The following PRUNE2 variants were observed in gnomAD, a reference collection of about 807,000 sequenced individuals.
PRUNE2 encodes the protein protein prune homolog 2.
In PRUNE2, 164 loss-of-function variants were observed where a neutral mutation model predicts 252.0. The observed-to-expected ratio is 0.65, with a 90% CI of 0.57 to 0.74. PRUNE2 has a LOEUF of 0.74. PRUNE2 is among the 30% of genes least tolerant of loss of function. The pLI, the probability that PRUNE2 is intolerant of heterozygous loss-of-function variation, is 0.00. For synonymous variants in PRUNE2, 1,292 were observed against 1,350.2 expected (o/e 0.96, Z 0.94); for missense variants, 3,495 against 3,711.0 (o/e 0.94, Z 1.51).
intron 1 of PRUNE2, among the ~76,000 whole-genome samples, chr9:76,888,347 G>A (rs146298323): frequency 0.018 from 2,748 of 152,256 alleles, 73 homozygotes; most frequent in African/African-American, 0.061. Context: ...GGGAGGCCAA[G>A]GCAGGCAGAT....
chr9:76,676,768 T>C (rs2042659819), intron 9 of PRUNE2, among the ~76,000 whole-genome samples: 1 of 152,220 alleles, frequency 6.6e-6, no homozygotes, highest in Admixed American at 6.5e-5. Context: ...AGTAGCAATA[T>C]TACGATGTCA....
chr9:76,707,558 G>C lies in PRUNE2; in HGVS notation c.4716C>G (p.Asn1572Lys). Reference sequence around the variant, plus strand: ...GATTCTGTTCACTCCAGTTGCCTTGGTTTTCTTCTTGATACCCAGAACTGG... The same window carrying C: ...GATTCTGTTCACTCCAGTTGCCTTGCTTTTCTTCTTGATACCCAGAACTGG... Reference protein sequence around the residue: ...QQPSSGYQEENQGNWSEQNHQ... With the variant: ...QQPSSGYQEEKQGNWSEQNHQ... Residue 1572 changes from asparagine (N) to lysine (K), a missense_variant, in exon 8 of 19, where the codon AAC (asparagine) becomes AAG (lysine). Asn to Lys is a moderately conservative substitution (Grantham distance 94, BLOSUM62 0). Transcript: ENST00000376718. 1.7e-5 allele frequency: 27 copies of C among 1,613,908 alleles called. No homozygotes were observed. Among genetic ancestry groups the C allele is most frequent in the Non-Finnish European group, 2.2e-5 (26 of 1,179,888 alleles).
Position 76,906,052 on chromosome 9 carries a change from T to A in PRUNE2, c.-89A>T. On this transcript the variant is annotated 5_prime_UTR_variant, in exon 1 of 19. Coordinates refer to ENST00000376718, the MANE Select transcript of PRUNE2 (RefSeq NM_015225.3). ...GAAGACGAGCGGGGTCCCGGGAAAG[T>A]GGCCCGCCGGGGCGCAGCGACCGAC... 6.9e-7 allele frequency: 1 copy of A among 1,444,492 alleles called. No individual in the cohort carries two copies. Among genetic ancestry groups the A allele is most frequent in the Non-Finnish European group, 9.7e-7 (1 of 1,028,536 alleles). 89.5% of individuals were successfully genotyped at this position (1,444,492 alleles called of 1,614,324 possible).
chr9:76,793,203 C>T (rs35804397), intron 6 of PRUNE2, among the ~76,000 whole-genome samples: 6,020 of 152,120 alleles, frequency 0.04, 253 homozygotes, highest in East Asian at 0.2. Flanking sequence ...AAAGGGACAC[C>T]GTTTCAAACA....
Position 76,891,941 on chromosome 9 carries a change from T to C in PRUNE2, c.36+13987A>G, listed in dbSNP as rs116178430. Among the ~76,000 whole-genome samples the C allele has an allele frequency of 3.5e-3, 534 of 152,312 alleles. 2 individuals are homozygous for C. Among genetic ancestry groups the C allele is most frequent in the African/African-American group, 0.012 (483 of 41,574 alleles). On this transcript the variant is annotated intron_variant, in intron 1 of 18. Coordinates refer to ENST00000376718, the MANE Select transcript of PRUNE2 (RefSeq NM_015225.3). Reference sequence around the variant, plus strand: ...GAGATCAAGTAGGTGACAACAGTTATGAAGGGCAACACTGTGCTCCGAGTG... The same window carrying C: ...GAGATCAAGTAGGTGACAACAGTTACGAAGGGCAACACTGTGCTCCGAGTG...
At chr9:76,664,161 A>T (rs949828945) in intron 9 of PRUNE2, among the ~76,000 whole-genome samples, 3 of 152,188 alleles carry the variant, frequency 2.0e-5, no homozygotes, top group African/African-American at 7.2e-5. Flanking sequence ...ATGGTAGGTG[A>T]CTTCTAAGGC....
intron 6 of PRUNE2, among the ~76,000 whole-genome samples, chr9:76,761,941 A>G (rs969326455): frequency 5.3e-5 from 8 of 152,206 alleles, no homozygotes; most frequent in African/African-American, 1.9e-4. Context: ...CTGGAGCTAT[A>G]TCATATTATG....
chr9:76,826,499 C>T (rs2058353853), intron 5 of PRUNE2, 81 bp downstream of exon 5: 1 of 1,010,178 alleles, frequency 9.9e-7, no homozygotes, highest in African/African-American at 1.6e-5. Flanking sequence ...ACAAATATAC[C>T]TTCTCAGGTC....
intron 9 of PRUNE2, among the ~76,000 whole-genome samples, chr9:76,686,697 T>A (rs576904412): frequency 1.3e-5 from 2 of 152,272 alleles, no homozygotes; most frequent in African/African-American, 2.4e-5. Context: ...TCTCAAGAGA[T>A]CCTCTCACTT....
At chr9:76,656,388 T>G (rs1849247049) in intron 9 of PRUNE2, among the ~76,000 whole-genome samples, 1 of 152,206 alleles carries the variant, frequency 6.6e-6, no homozygotes, top group Non-Finnish European at 1.5e-5. Context: ...CCTTATGATG[T>G]GGGCACTAAC....
At chr9:76,798,584 T>C (rs941838757) in intron 6 of PRUNE2, among the ~76,000 whole-genome samples, 2 of 152,148 alleles carry the variant, frequency 1.3e-5, no homozygotes, top group East Asian at 1.9e-4. Context: ...AGTGCTGCTA[T>C]GAACATGGAT....
chr9:76,794,063 A>G (rs543969432), intron 6 of PRUNE2, among the ~76,000 whole-genome samples: 24 of 152,332 alleles, frequency 1.6e-4, no homozygotes, highest in African/African-American at 5.1e-4. Flanking sequence ...TGTTTTAATA[A>G]GGCCTACTTT....
At chr9:76,769,317 T>A (rs1375925029) in intron 6 of PRUNE2, among the ~76,000 whole-genome samples, 2 of 152,242 alleles carry the variant, frequency 1.3e-5, no homozygotes, top group Admixed American at 6.5e-5. Context: ...ACATACAGAA[T>A]AACTGAACTG....
intron 6 of PRUNE2, among the ~76,000 whole-genome samples, chr9:76,799,351 A>G (rs1233677683): frequency 1.3e-5 from 2 of 152,086 alleles, no homozygotes; most frequent in Non-Finnish European, 2.9e-5. Context: ...CAAAAAAAAA[A>G]AAAAAAAAAT....
At chr9:76,776,234 C>A (rs139404183) in intron 6 of PRUNE2, among the ~76,000 whole-genome samples, 1 of 152,274 alleles carries the variant, frequency 6.6e-6, no homozygotes, top group African/African-American at 2.4e-5. Flanking sequence ...GTAGCCATCA[C>A]CTGAATAGCA....
chr9:76,813,299 T>C (rs1589364701), intron 6 of PRUNE2, among the ~76,000 whole-genome samples: 4 of 152,226 alleles, frequency 2.6e-5, no homozygotes, highest in Admixed American at 2.0e-4. Context: ...CACATTCAAA[T>C]AGTTGTTAAG....
At chr9:76,759,248 G>C (rs2051458106) in intron 6 of PRUNE2, 1 of 152,220 alleles carries the variant, frequency 6.6e-6, no homozygotes, top group Admixed American at 6.5e-5. Context: ...TTGTGTGACT[G>C]TGAACTCATA....
At chr9:76,862,209 A>C (rs1444675792) in intron 1 of PRUNE2, 3 of 152,356 alleles carry the variant, frequency 2.0e-5, no homozygotes, top group Non-Finnish European at 4.4e-5. Flanking sequence ...ACCTGAGGTC[A>C]GGAGTTCGAG....
intron 1 of PRUNE2, among the ~76,000 whole-genome samples, chr9:76,869,713 T>G (rs1315478338): frequency 6.6e-6 from 1 of 152,196 alleles, no homozygotes; most frequent in Non-Finnish European, 1.5e-5. Context: ...CATGCTCTAT[T>G]AAGAACAAGC....
Sources: gnomAD v4.1 joint callset for allele counts (sites outside exome capture counted in the v4.1 genomes callset) on GRCh38, gnomAD v4.1.1 for gene constraint, MANE v1.5 for transcripts, NCBI Gene and HGNC (gene_info 2026-07-23, HGNC 2026-07-21) for gene names.